The following NBEA variants were observed in gnomAD, a reference collection of about 807,000 sequenced individuals.
The protein encoded by NBEA is lysosomal-trafficking regulator 2.
A neutral mutation model predicts 343.4 loss-of-function variants in NBEA; 44 were observed. The observed-to-expected ratio is 0.13, with a 90% CI of 0.10 to 0.16. The LOEUF is 0.16. NBEA is among the 10% of genes least tolerant of loss of function. NBEA has a pLI of 1.00. For missense variants in NBEA, 2,555 were observed against 3,631.3 expected, an observed-to-expected ratio of 0.70 and a Z score of 7.62; for synonymous variants, 1,175 against 1,238.7, an observed-to-expected ratio of 0.95 and a Z score of 1.08.
chr13:35,512,882 G>C (rs2077333277), intron 41 of NBEA, among the ~76,000 whole-genome samples: 1 of 152,196 alleles, frequency 6.6e-6, no homozygotes. Flanking sequence ...ATTTCTCTCA[G>C]AAGGCAGCTG....
chr13:35,422,826 T>C (rs1035375486), intron 38 of NBEA, among the ~76,000 whole-genome samples: 6 of 152,202 alleles, frequency 3.9e-5, no homozygotes, highest in Admixed American at 6.5e-5. Flanking sequence ...CCTGACTTTT[T>C]AATGATCGCC....
At chr13:35,298,406 C>G (rs1398845161) in intron 35 of NBEA, among the ~76,000 whole-genome samples, 1 of 151,340 alleles carries the variant, frequency 6.6e-6, no homozygotes, top group Non-Finnish European at 1.5e-5. Flanking sequence ...TTCTCTACAG[C>G]ACTAATGTTC....
Position 35,173,559 on chromosome 13 carries a change from G to C in NBEA, c.4519G>C (p.Val1507Leu), listed in dbSNP as rs566752589. 34 of 1,611,992 alleles carry C rather than the reference G, an allele frequency of 2.1e-5. No homozygotes were observed. In the South Asian group the frequency reaches 3.5e-4, roughly 17 times the overall value. Residue 1507 changes from valine to leucine, a missense_variant, in exon 27 of 59, where the codon GTT becomes CTT. Physicochemically the swap from Val to Leu is conservative, Grantham distance 32 (BLOSUM62 1). Around this residue, in one of 21 missense-constraint regions of NBEA, gnomAD observed 168 missense variants for 193.0 expected, o/e 0.87. Coordinates refer to ENST00000379939, the MANE Select transcript of NBEA (RefSeq NM_001385012.1). ...SSHGSSKPQE[V>L]PQSVTATAAS... The stretch of plus-strand genomic sequence containing the variant: ...CCATGGAAGCAGTAAACCTCAGGAA[G>C]TTCCTCAAAGTGTGACTGCTACAGC...
chr13:35,154,963 A>G (rs2069057958), intron 18 of NBEA, among the ~76,000 whole-genome samples: 1 of 151,592 alleles, frequency 6.6e-6, no homozygotes, highest in Non-Finnish European at 1.5e-5. Flanking sequence ...CATCTTTACC[A>G]AAAAATGAGA....
At chr13:35,102,732 A>G (rs2065707073) in intron 11 of NBEA, among the ~76,000 whole-genome samples, 1 of 151,834 alleles carries the variant, frequency 6.6e-6, no homozygotes, top group Admixed American at 6.6e-5. Context: ...TTTATGTTGA[A>G]CTTTTATATA....
At chr13:35,133,209 A>G (rs970970775) in intron 17 of NBEA, among the ~76,000 whole-genome samples, 3 of 152,174 alleles carry the variant, frequency 2.0e-5, no homozygotes, top group African/African-American at 7.2e-5. Flanking sequence ...ATAAACAGAC[A>G]ATTCACTGAA....
At chr13:34,980,425 T>A (rs948611831) in intron 1 of NBEA, among the ~76,000 whole-genome samples, 4 of 147,092 alleles carry the variant, frequency 2.7e-5, no homozygotes, top group Non-Finnish European at 4.5e-5. Context: ...AACTTTTTTT[T>A]ATTACATTTT....
intron 43 of NBEA, among the ~76,000 whole-genome samples, chr13:35,554,777 T>C (rs1013152549): frequency 2.6e-5 from 4 of 152,224 alleles, no homozygotes; most frequent in Non-Finnish European, 5.9e-5. Context: ...CAAATTGTTT[T>C]ATCCTGAGTA....
intron 23 of NBEA, among the ~76,000 whole-genome samples, chr13:35,162,194 A>G (rs892775575): frequency 6.6e-6 from 1 of 152,170 alleles, no homozygotes; most frequent in Admixed American, 6.6e-5. Flanking sequence ...AGCCTGTAGT[A>G]TTTAAGCAGT....
At chr13:35,068,127 G>A (rs1228020991) in intron 8 of NBEA, among the ~76,000 whole-genome samples, 1 of 152,054 alleles carries the variant, frequency 6.6e-6, no homozygotes, top group Non-Finnish European at 1.5e-5. Context: ...TGGATTCTAT[G>A]TTTATATTGA....
At position 35,043,728 on chromosome 13, in the gene NBEA, G is replaced by GATA. The variant is rs2062741698; in HGVS notation, c.527-1217_527-1215dup. 2.0e-5 allele frequency among the ~76,000 whole-genome samples: 3 copies of GATA among 151,804 alleles called. No individual in the cohort carries two copies. The South Asian group carries it at 6.2e-4, about 31-fold the overall frequency. On this transcript the variant is annotated intron_variant, in intron 2 of 58. Transcript: ENST00000379939. ...TATTAATTGATTATTAATTGATGAA[G>GATA]ATAAGCATACTAAGTTTCCATTTTG...
At chr13:35,557,680 A>C (rs1052198498) in intron 44 of NBEA, among the ~76,000 whole-genome samples, 7 of 152,164 alleles carry the variant, frequency 4.6e-5, no homozygotes, top group Non-Finnish European at 7.4e-5. Context: ...AATTAACAAT[A>C]GGGACTAGGC....
intron 41 of NBEA, among the ~76,000 whole-genome samples, chr13:35,487,275 C>T (rs1361818250): frequency 6.6e-6 from 1 of 151,796 alleles, no homozygotes; most frequent in African/African-American, 2.4e-5. Flanking sequence ...ATTTTATGTA[C>T]TGATTAGTAG....
At chr13:35,084,633 A>G (rs1024514434) in intron 10 of NBEA, among the ~76,000 whole-genome samples, 6 of 152,204 alleles carry the variant, frequency 3.9e-5, no homozygotes, top group Non-Finnish European at 7.3e-5. Context: ...GTAAGCAGGA[A>G]AGATCTAAAA....
chr13:35,472,324 C>T, intron 40 of NBEA, 76 bp from the exon 41 acceptor site: 1 of 1,520,326 alleles, frequency 6.6e-7, no homozygotes, highest in Non-Finnish European at 8.8e-7. Flanking sequence ...CCAATAAAAA[C>T]CTCTGGTACC....
At chr13:35,572,694 C>G (rs1197549968) in intron 45 of NBEA, among the ~76,000 whole-genome samples, 1 of 146,276 alleles carries the variant, frequency 6.8e-6, no homozygotes, top group Non-Finnish European at 1.5e-5. Context: ...CATGACTCAG[C>G]AATCTAGAGC....
At chr13:35,158,867 C>A in intron 21 of NBEA, 149 bp from the exon 22 acceptor site, 1 of 611,714 alleles carries the variant, frequency 1.6e-6, no homozygotes, top group Non-Finnish European at 2.7e-6. Context: ...TGAAACTAAG[C>A]ACTTGCTTTA....
intron 1 of NBEA, among the ~76,000 whole-genome samples, chr13:34,962,717 ATGTAC>A (rs2059698857): frequency 3.9e-5 from 6 of 152,060 alleles, no homozygotes; most frequent in Admixed American, 3.9e-4. Context: ...ATATAAGTGA[ATGTAC>A]ACTTTCGACA....
Position 35,156,094 on chromosome 13 carries a change from G to C in NBEA, c.2539G>C (p.Val847Leu). Residue 847 changes from valine to leucine, a missense_variant, in exon 20 of 59, where the codon GTG (valine) becomes CTG (leucine). Coordinates refer to ENST00000379939, the MANE Select transcript of NBEA (RefSeq NM_001385012.1). ...TTCTTTGTTTACAGTGATTCTTAAA[G>C]TGGTGGCAACTTTGTTAAAAAACTC... is the stretch of plus-strand genomic sequence containing the variant. Reference protein sequence around the residue: ...VKIQNPMILKVVATLLKNSTP... With the variant: ...VKIQNPMILKLVATLLKNSTP... The C allele has an allele frequency of 6.3e-7, 1 of 1,581,232 alleles. No individual in the cohort carries two copies. Among genetic ancestry groups the C allele is most frequent in the Non-Finnish European group, 8.6e-7 (1 of 1,169,094 alleles).
Sources: allele counts gnomAD v4.1 joint callset (sites outside exome capture counted in the v4.1 genomes callset), GRCh38; gene constraint gnomAD v4.1.1; regional missense constraint gnomAD v4.1.1; transcripts MANE v1.5; gene names NCBI Gene and HGNC (gene_info 2026-07-23, HGNC 2026-07-21).